Variants in HSD17B2 observed in about 807,000 individuals in gnomAD.
The protein encoded by HSD17B2 is 17-beta-hydroxysteroid dehydrogenase type 2.
Under a neutral mutation model 26.9 loss-of-function variants are expected in HSD17B2, and 32 were observed. The observed-to-expected ratio is 1.19, with a 90% confidence interval of 0.90 to 1.60. HSD17B2 has a LOEUF of 1.60. HSD17B2 is among the 40% of genes most tolerant of loss of function. The pLI, the probability that HSD17B2 is intolerant of heterozygous loss-of-function variation, is 0.00. For synonymous variants in HSD17B2, 246 were observed against 186.7 expected, an observed-to-expected ratio of 1.32 and a Z score of -2.59; for missense variants, 613 against 468.6, an observed-to-expected ratio of 1.31 and a Z score of -2.85.
intron 1 of HSD17B2, among the ~76,000 whole-genome samples, chr16:82,057,950 G>A (rs1914322040): frequency 1.3e-5 from 2 of 152,100 alleles, no homozygotes; most frequent in African/African-American, 4.8e-5. Context: ...AGGACATTAG[G>A]TAAAAGTAAC....
intron 1 of HSD17B2, among the ~76,000 whole-genome samples, chr16:82,040,883 G>C (rs926801002): frequency 6.6e-6 from 1 of 152,206 alleles, no homozygotes; most frequent in East Asian, 1.9e-4. Flanking sequence ...ATAGATGCTG[G>C]AGAAGCATGA....
intron 3 of HSD17B2, among the ~76,000 whole-genome samples, chr16:82,074,857 T>A (rs1206786997): frequency 6.6e-6 from 1 of 152,176 alleles, no homozygotes; most frequent in African/African-American, 2.4e-5. Context: ...TGGACCTAAT[T>A]GTTATTTACA....
intron 1 of HSD17B2, among the ~76,000 whole-genome samples, chr16:82,064,044 G>A (rs371954802): frequency 2.0e-4 from 30 of 152,238 alleles, no homozygotes; most frequent in Non-Finnish European, 4.1e-4. Context: ...AACACAAAAG[G>A]GTGGGGACAT....
At chr16:82,078,142 C>T (rs567982795) in intron 3 of HSD17B2, among the ~76,000 whole-genome samples, 2 of 152,218 alleles carry the variant, frequency 1.3e-5, no homozygotes, top group East Asian at 1.9e-4. Context: ...TTGACAAAGA[C>T]TTAATAACCA....
At chr16:82,088,698 C>T (rs1452480521) in intron 3 of HSD17B2, among the ~76,000 whole-genome samples, 3 of 152,194 alleles carry the variant, frequency 2.0e-5, no homozygotes, top group South Asian at 2.1e-4. Context: ...GGATTTCAAA[C>T]GCTAAGATTT....
At chr16:82,035,758 T>C (rs1012392749) in intron 1 of HSD17B2, 69 bp downstream of exon 1, 86 of 1,494,022 alleles carry the variant, frequency 5.8e-5, no homozygotes, top group Middle Eastern at 1.8e-4. Context: ...AGCAGGACTT[T>C]GTCAAATCTG....
At chr16:82,045,243 G>C (rs1213886522) in intron 1 of HSD17B2, among the ~76,000 whole-genome samples, 5 of 151,990 alleles carry the variant, frequency 3.3e-5, no homozygotes, top group African/African-American at 9.7e-5. Flanking sequence ...AGGTTTGACT[G>C]TGAACTTAAA....
intron 1 of HSD17B2, among the ~76,000 whole-genome samples, chr16:82,050,613 G>A (rs559704452): frequency 6.6e-6 from 1 of 152,174 alleles, no homozygotes; most frequent in Admixed American, 6.5e-5. Flanking sequence ...AGAAGGCCCT[G>A]TGGAATCCGA....
At chr16:82,053,426 T>A (rs1240876954) in intron 1 of HSD17B2, among the ~76,000 whole-genome samples, 4 of 151,904 alleles carry the variant, frequency 2.6e-5, no homozygotes, top group Non-Finnish European at 5.9e-5. Flanking sequence ...AGTTTTAATT[T>A]TTATTTATTT....
In HSD17B2 at chr16:82,090,970, G is replaced by C; in HGVS notation, c.733G>C (p.Val245Leu). 6.2e-7 allele frequency: 1 copy of C among 1,613,604 alleles called. No individual in the cohort carries two copies. The highest frequency in any genetic ancestry group is 8.5e-7 in the Non-Finnish European group (1 of 1,179,494). Residue 245 changes from valine to leucine, a missense_variant, in exon 4 of 5, where the codon GTT becomes CTT. Val to Leu is a conservative substitution (Grantham distance 32, BLOSUM62 1). Coordinates refer to ENST00000199936, the MANE Select transcript of HSD17B2 (RefSeq NM_002153.3). ...SKAAVTMFSS[V>L]MRLELSKWGI... Reference sequence around the variant, plus strand: ...GGCGGCTGTGACCATGTTCTCATCAGTTATGAGACTGGAGCTTTCCAAGTG... The same window carrying C: ...GGCGGCTGTGACCATGTTCTCATCACTTATGAGACTGGAGCTTTCCAAGTG...
chr16:82,040,396 T>A (rs1210490471), intron 1 of HSD17B2, among the ~76,000 whole-genome samples: 1 of 152,224 alleles, frequency 6.6e-6, no homozygotes, highest in African/African-American at 2.4e-5. Flanking sequence ...TATATTTGAT[T>A]CTCACAACCC....
At chr16:82,067,785 T>G (rs1345733937) in intron 1 of HSD17B2, among the ~76,000 whole-genome samples, 2 of 152,188 alleles carry the variant, frequency 1.3e-5, no homozygotes, top group Admixed American at 6.5e-5. Context: ...ACTGAAGGTT[T>G]TACAGAGTGA....
intron 3 of HSD17B2, chr16:82,071,870 G>T (rs1914706238): frequency 6.5e-6 from 1 of 152,908 alleles, no homozygotes; most frequent in South Asian, 2.1e-4. Context: ...AAGCCAAAGG[G>T]ATGGGCTCTG....
Position 82,036,118 on chromosome 16 carries a change from C to T in HSD17B2, c.265+429C>T, listed in dbSNP as rs143804276. On this transcript the variant is annotated intron_variant, in intron 1 of 4. Coordinates refer to ENST00000199936, the MANE Select transcript of HSD17B2 (RefSeq NM_002153.3). ...AAGAACGCTTACAAGCCAAGTTCTA[C>T]TTGTCCCTTGCTGTTTTGAAATATT... 1.8e-3 allele frequency among the ~76,000 whole-genome samples: 270 copies of T among 152,284 alleles called. 2 individuals carry two copies. Among genetic ancestry groups the T allele is most frequent in the African/African-American group, 6.3e-3 (260 of 41,554 alleles).
intron 1 of HSD17B2, among the ~76,000 whole-genome samples, chr16:82,044,834 C>G (rs1195371621): frequency 6.6e-6 from 1 of 152,088 alleles, no homozygotes; most frequent in Non-Finnish European, 1.5e-5. Flanking sequence ...ACCAACACTT[C>G]TGACTGGGCA....
intron 3 of HSD17B2, among the ~76,000 whole-genome samples, chr16:82,075,179 A>T (rs1904294863): frequency 6.6e-6 from 1 of 152,136 alleles, no homozygotes; most frequent in Admixed American, 6.5e-5. Context: ...ACCAAAACCC[A>T]TGGGATGTGG....
chr16:82,039,730 T>C (rs1913718711), intron 1 of HSD17B2, among the ~76,000 whole-genome samples: 1 of 152,184 alleles, frequency 6.6e-6, no homozygotes, highest in Non-Finnish European at 1.5e-5. Flanking sequence ...TTCTATCCTC[T>C]GGCCTTTCAT....
At chr16:82,038,578 G>T (rs1221734841) in intron 1 of HSD17B2, among the ~76,000 whole-genome samples, 1 of 152,178 alleles carries the variant, frequency 6.6e-6, no homozygotes, top group African/African-American at 2.4e-5. Flanking sequence ...ACTGTAAAAT[G>T]AACAAAGAGC....
At chr16:82,094,424 G>C (rs1289546471) in intron 4 of HSD17B2, 1 of 152,220 alleles carries the variant, frequency 6.6e-6, no homozygotes, top group African/African-American at 2.4e-5. Flanking sequence ...TTATTCTCCA[G>C]GTGATGGTGC....
Sources: allele counts gnomAD v4.1 joint callset (sites outside exome capture counted in the v4.1 genomes callset), GRCh38; gene constraint gnomAD v4.1.1; transcripts MANE v1.5; gene names NCBI Gene and HGNC (gene_info 2026-07-23, HGNC 2026-07-21).